Variants in SGCD observed in about 807,000 individuals in gnomAD.
The protein encoded by SGCD is sarcoglycan delta, also known as delta-sarcoglycan.
Under a neutral mutation model 36.6 loss-of-function variants are expected in SGCD, and 18 were observed. The ratio of observed to expected loss-of-function variants is 0.49; its 90% CI spans 0.34 to 0.73. SGCD has a LOEUF of 0.73. SGCD is among the 30% of genes least tolerant of loss of function. The pLI, the probability that SGCD is intolerant of heterozygous loss-of-function variation, is 0.01. For missense variants in SGCD, 387 were observed against 346.7 expected, an observed-to-expected ratio of 1.12 and a Z score of -0.92; for synonymous variants, 133 against 130.6, an observed-to-expected ratio of 1.02 and a Z score of -0.12.
At chr5:156,059,448 G>A (rs1760146940) in intron 1 of SGCD, among the ~76,000 whole-genome samples, 1 of 146,472 alleles carries the variant, frequency 6.8e-6, no homozygotes, top group African/African-American at 2.5e-5. Flanking sequence ...ATCAGAAAAG[G>A]TGCATTAGAA....
intron 7 of SGCD, among the ~76,000 whole-genome samples, chr5:156,742,620 T>G (rs142456110): frequency 0.023 from 3,431 of 152,282 alleles, 67 homozygotes; most frequent in Non-Finnish European, 0.036. Context: ...AGATTTACTA[T>G]AAGAAATTGA....
At chr5:155,902,667 A>T (rs2113340935) in intron 1 of SGCD, among the ~76,000 whole-genome samples, 1 of 152,244 alleles carries the variant, frequency 6.6e-6, no homozygotes, top group South Asian at 2.1e-4. Context: ...CAACTTGGAG[A>T]TGATTATTGT....
intron 1 of SGCD, among the ~76,000 whole-genome samples, chr5:156,072,332 A>G (rs1158315227): frequency 2.0e-5 from 3 of 152,092 alleles, no homozygotes; most frequent in Non-Finnish European, 4.4e-5. Flanking sequence ...TCTGGTGGTC[A>G]CATAATCTCT....
At chr5:156,444,350 A>G (rs942658181) in intron 3 of SGCD, among the ~76,000 whole-genome samples, 2 of 152,042 alleles carry the variant, frequency 1.3e-5, no homozygotes, top group Non-Finnish European at 2.9e-5. Flanking sequence ...ACAAAAAATA[A>G]TATTTCTATC....
the SGCD span, among the ~76,000 whole-genome samples, chr5:155,768,542 G>A: frequency 2.0e-5 from 3 of 152,124 alleles, no homozygotes; most frequent in Non-Finnish European, 2.9e-5. Context: ...ACCAAAGGCT[G>A]TGAGAGCACC....
At chr5:155,772,614 C>T in the SGCD span, among the ~76,000 whole-genome samples, 9 of 151,988 alleles carry the variant, frequency 5.9e-5, no homozygotes, top group East Asian at 1.2e-3. Context: ...AATGTTACTT[C>T]GGAGTTAAGT....
intron 3 of SGCD, among the ~76,000 whole-genome samples, chr5:156,463,403 C>T (rs368183772): frequency 2.6e-5 from 4 of 152,124 alleles, no homozygotes; most frequent in South Asian, 2.1e-4. Context: ...AGAGAGCAGA[C>T]GTATAGTCTT....
Position 156,759,328 on chromosome 5 carries a change from T to G in SGCD, c.811T>G (p.Leu271Val). 1 of 1,613,348 alleles carries G rather than the reference T, an allele frequency of 6.2e-7. No individual in the cohort carries two copies. Among genetic ancestry groups the G allele is most frequent in the Non-Finnish European group, 8.5e-7 (1 of 1,179,404 alleles). The change falls in exon 9 of 9, where the codon TTA becomes GTA. Residue 271 changes from leucine to valine, a missense_variant. Leu to Val is a conservative substitution (Grantham distance 32). Transcript: ENST00000337851. Reference protein sequence around the residue: ...FEICVCANGRLFLSQAGAGST... With the variant: ...FEICVCANGRVFLSQAGAGST... Reference sequence around the variant, plus strand: ...GATCTGCGTCTGCGCCAATGGGAGATTATTCCTGTCTCAGGCAGGAGCTGG... The same window carrying G: ...GATCTGCGTCTGCGCCAATGGGAGAGTATTCCTGTCTCAGGCAGGAGCTGG...
chr5:156,536,709 AAGTT>A (rs1304070062), intron 4 of SGCD, among the ~76,000 whole-genome samples: 1 of 152,150 alleles, frequency 6.6e-6, no homozygotes, highest in African/African-American at 2.4e-5. Flanking sequence ...TTTCCACTGA[AAGTT>A]AGTAAAAATT....
In SGCD at chr5:155,926,091, C is replaced by T. The variant is rs77642915; in HGVS notation, c.-282+55667C>T. Among the ~76,000 whole-genome samples the T allele has an allele frequency of 6.9e-3, 1,044 of 152,230 alleles. 8 individuals are homozygous for T. Among genetic ancestry groups the T allele is most frequent in the African/African-American group, 0.024 (994 of 41,530 alleles). On this transcript the variant is annotated intron_variant, in intron 1 of 9. Transcript: ENST00000517913. ...AACTTTCATCTGCTTGTGAGGATATCAGTCATTGGGCTGTGGCTTACACTA... is the reference window on the plus strand; with the variant it reads ...AACTTTCATCTGCTTGTGAGGATATTAGTCATTGGGCTGTGGCTTACACTA...
chr5:156,493,817 T>C (rs2127852732), intron 3 of SGCD, among the ~76,000 whole-genome samples: 1 of 152,296 alleles, frequency 6.6e-6, no homozygotes. Flanking sequence ...CAGTAGGTTG[T>C]AATATTGAGT....
intron 3 of SGCD, among the ~76,000 whole-genome samples, chr5:156,316,062 C>T (rs1360565592): frequency 2.6e-5 from 4 of 151,768 alleles, no homozygotes; most frequent in Admixed American, 6.6e-5. Flanking sequence ...TTAACTTATA[C>T]GTAGAAAGCC....
At chr5:155,979,435 A>C (rs1758182332) in intron 1 of SGCD, among the ~76,000 whole-genome samples, 1 of 152,206 alleles carries the variant, frequency 6.6e-6, no homozygotes. Flanking sequence ...CTATTTTCCC[A>C]GGAAGTGGGC....
intron 4 of SGCD, among the ~76,000 whole-genome samples, chr5:156,568,294 G>GA (rs1294102292): frequency 6.6e-6 from 1 of 152,188 alleles, no homozygotes; most frequent in Non-Finnish European, 1.5e-5. Context: ...TGAGGCAGGA[G>GA]AATCGCTTGA....
intron 1 of SGCD, among the ~76,000 whole-genome samples, chr5:155,988,315 G>A (rs112261147): frequency 9.2e-5 from 14 of 151,838 alleles, no homozygotes; most frequent in African/African-American, 2.9e-4. Context: ...CTTTCCTTTC[G>A]TTAGAAAAAA....
At chr5:155,780,671 G>A in the SGCD span, among the ~76,000 whole-genome samples, 16 of 152,170 alleles carry the variant, frequency 1.1e-4, no homozygotes, top group Non-Finnish European at 1.9e-4. Flanking sequence ...TTCATTAGGT[G>A]CAAAGGTGAA....
chr5:155,895,251 A>G (rs967641255), intron 1 of SGCD, among the ~76,000 whole-genome samples: 1 of 152,206 alleles, frequency 6.6e-6, no homozygotes, highest in African/African-American at 2.4e-5. Context: ...TTCAATTCTC[A>G]GGTAGGGAAC....
At chr5:156,679,206 CCTT>C (rs1175373632) in intron 7 of SGCD, among the ~76,000 whole-genome samples, 1 of 152,152 alleles carries the variant, frequency 6.6e-6, no homozygotes, top group East Asian at 1.9e-4. Context: ...CTAAGGACCT[CCTT>C]CTAGTTTCAT....
the SGCD span, among the ~76,000 whole-genome samples, chr5:155,731,136 C>T: frequency 6.6e-6 from 1 of 151,384 alleles, no homozygotes; most frequent in African/African-American, 2.4e-5. Flanking sequence ...GAGGGAGGGA[C>T]AGAGGGGCAG....
Sources: allele counts gnomAD v4.1 joint callset (sites outside exome capture counted in the v4.1 genomes callset), GRCh38; gene constraint gnomAD v4.1.1; transcripts MANE v1.5; gene names NCBI Gene and HGNC (gene_info 2026-07-23, HGNC 2026-07-21).